The following ADAMTSL1 variants were observed in gnomAD, a reference collection of about 807,000 sequenced individuals.
ADAMTSL1 encodes the protein ADAMTS-like protein 1.
Under a neutral mutation model 201.8 loss-of-function variants are expected in ADAMTSL1, and 126 were observed. The observed-to-expected ratio is 0.62, with a 90% CI of 0.54 to 0.72. The LOEUF (loss-of-function observed/expected upper bound fraction) is 0.72. ADAMTSL1 is among the 30% of genes least tolerant of loss of function. ADAMTSL1 has a pLI of 0.00. For missense variants in ADAMTSL1, 2,679 were observed against 2,277.8 expected (o/e 1.18, Z -3.59); for synonymous variants, 1,121 against 903.4 (o/e 1.24, Z -4.32).
intron 2 of ADAMTSL1, among the ~76,000 whole-genome samples, chr9:18,304,205 T>G (rs967739297): frequency 6.6e-6 from 1 of 152,098 alleles, no homozygotes; most frequent in African/African-American, 2.4e-5. Flanking sequence ...TAGAACCCAA[T>G]TTGTTTGGAA....
At chr9:18,320,163 A>G (rs1031340822) in intron 2 of ADAMTSL1, among the ~76,000 whole-genome samples, 1 of 152,240 alleles carries the variant, frequency 6.6e-6, no homozygotes, top group Non-Finnish European at 1.5e-5. Flanking sequence ...TAGAGCCTCC[A>G]GAGGGAGTAA....
At chr9:18,832,485 C>G (rs1489999356) in intron 23 of ADAMTSL1, among the ~76,000 whole-genome samples, 2 of 152,134 alleles carry the variant, frequency 1.3e-5, no homozygotes, top group African/African-American at 4.8e-5. Flanking sequence ...GAATGACATA[C>G]TAAAAGTAAT....
At chr9:18,899,660 G>C (rs1829885844) in intron 26 of ADAMTSL1, among the ~76,000 whole-genome samples, 1 of 152,122 alleles carries the variant, frequency 6.6e-6, no homozygotes, top group Admixed American at 6.5e-5. Context: ...TCTGATCTTT[G>C]ACAAACCTGA....
rs1380215797 is a variant in ADAMTSL1 at position 18,909,870 on chromosome 9, C to T, written c.*1322C>T. On this transcript the variant is annotated 3_prime_UTR_variant, in exon 29 of 29. Transcript: ENST00000380548. ...GGCAAAGCAGCTCACACACTGCAGC[C>T]ACACTCATCAGCTGTGGTGAGGCGG... The T allele has an allele frequency of 6.6e-6, 1 of 152,272 alleles. No homozygotes were observed. The highest frequency in any genetic ancestry group is 1.5e-5 in the Non-Finnish European group (1 of 68,096). 9.4% of individuals were successfully genotyped at this position (152,272 alleles called of 1,614,324 possible).
chr9:18,100,048 A>G (rs1175878544), intron 1 of ADAMTSL1, among the ~76,000 whole-genome samples: 1 of 151,788 alleles, frequency 6.6e-6, no homozygotes, highest in Non-Finnish European at 1.5e-5. Flanking sequence ...TTCATTTCTG[A>G]GTTTTTCTAA....
chr9:18,069,440 G>C (rs991207543), intron 1 of ADAMTSL1, among the ~76,000 whole-genome samples: 6 of 152,224 alleles, frequency 3.9e-5, no homozygotes, highest in African/African-American at 1.4e-4. Flanking sequence ...TATGGAAAAT[G>C]CAAACACTGA....
intron 1 of ADAMTSL1, among the ~76,000 whole-genome samples, chr9:17,926,090 C>T (rs563486385): frequency 1.2e-4 from 19 of 152,188 alleles, no homozygotes; most frequent in African/African-American, 4.6e-4. Flanking sequence ...CTCATGCGGT[C>T]TGTGATGTCT....
chr9:18,122,705 T>A lies in ADAMTSL1; in HGVS notation c.88-41157T>A, dbSNP rs76187271. Among the ~76,000 whole-genome samples, 30 of 152,362 alleles carry A rather than the reference T, an allele frequency of 2.0e-4. No individual in the cohort carries two copies. In the East Asian group the frequency reaches 5.8e-3, roughly 29 times the overall value. Reference sequence around the variant, plus strand: ...CTGAAATTTTGGAGGATGAGTTACATACATCTTCTTTTCAGCGGTGCTGGT... The same window carrying A: ...CTGAAATTTTGGAGGATGAGTTACAAACATCTTCTTTTCAGCGGTGCTGGT... On this transcript the variant is annotated intron_variant, in intron 1 of 29. Transcript: ENST00000680146.
Position 18,052,349 on chromosome 9 carries a change from G to C in ADAMTSL1, c.88-111513G>C, listed in dbSNP as rs1215875035. On this transcript the variant is annotated intron_variant, in intron 1 of 29. Coordinates refer to the ADAMTSL1 transcript ENST00000680146. The stretch of plus-strand genomic sequence containing the variant: ...TAGTGAAAACAGGGTACTTACTTTA[G>C]GTTGAGAGGTCAGAGAAGGGTTTTC... Among the ~76,000 whole-genome samples, 8 of 152,318 alleles carry C rather than the reference G, an allele frequency of 5.3e-5. No individual in the cohort carries two copies. In the East Asian group the frequency reaches 1.3e-3, roughly 26 times the overall value.
chr9:18,580,562 A>C (rs1352758838), intron 4 of ADAMTSL1, among the ~76,000 whole-genome samples: 1 of 152,226 alleles, frequency 6.6e-6, no homozygotes, highest in Non-Finnish European at 1.5e-5. Flanking sequence ...TAAAGATAAA[A>C]CTAACTACTA....
At chr9:18,030,298 C>CA (rs1381144032) in intron 1 of ADAMTSL1, among the ~76,000 whole-genome samples, 13 of 151,682 alleles carry the variant, frequency 8.6e-5, no homozygotes, top group African/African-American at 3.2e-4. Flanking sequence ...ATCGCAAGGA[C>CA]AAAAAACCAA....
intron 4 of ADAMTSL1, among the ~76,000 whole-genome samples, chr9:18,592,072 C>A (rs1297048618): frequency 6.6e-6 from 1 of 152,272 alleles, no homozygotes; most frequent in East Asian, 1.9e-4. Flanking sequence ...GTTTTCAGTG[C>A]ATCTCATTGA....
intron 1 of ADAMTSL1, among the ~76,000 whole-genome samples, chr9:18,020,737 G>A (rs1820447664): frequency 6.6e-6 from 1 of 152,086 alleles, no homozygotes; most frequent in Non-Finnish European, 1.5e-5. Flanking sequence ...CCTTGGAACA[G>A]GCATCAACTG....
chr9:18,712,476 A>C (rs985315082), intron 14 of ADAMTSL1, among the ~76,000 whole-genome samples: 43 of 152,020 alleles, frequency 2.8e-4, no homozygotes, highest in Non-Finnish European at 5.6e-4. Context: ...AGCCGATGCG[A>C]TCAACTGGAA....
chr9:18,570,496 C>T (rs1171595315), intron 3 of ADAMTSL1, among the ~76,000 whole-genome samples: 1 of 152,144 alleles, frequency 6.6e-6, no homozygotes, highest in East Asian at 1.9e-4. Flanking sequence ...TTTGCCAAAT[C>T]CTTCTTCCCC....
intron 23 of ADAMTSL1, among the ~76,000 whole-genome samples, chr9:18,878,808 A>G (rs549445097): frequency 1.3e-5 from 2 of 152,308 alleles, no homozygotes; most frequent in South Asian, 4.1e-4. Flanking sequence ...TTTGTCTCCT[A>G]TCTGCCATTT....
At chr9:18,021,168 G>T (rs563086461) in intron 1 of ADAMTSL1, among the ~76,000 whole-genome samples, 1 of 152,286 alleles carries the variant, frequency 6.6e-6, no homozygotes, top group Non-Finnish European at 1.5e-5. Context: ...GCACTTGTGA[G>T]ACTGGGCTCT....
At chr9:18,274,177 G>C (rs1052669785) in intron 2 of ADAMTSL1, among the ~76,000 whole-genome samples, 2 of 152,302 alleles carry the variant, frequency 1.3e-5, no homozygotes, top group South Asian at 4.1e-4. Context: ...ATTATTCCAG[G>C]TGTGTCATGG....
intron 2 of ADAMTSL1, among the ~76,000 whole-genome samples, chr9:18,182,110 G>A (rs1042370984): frequency 6.7e-6 from 1 of 149,700 alleles, no homozygotes; most frequent in South Asian, 2.1e-4. Flanking sequence ...GACACAGGAA[G>A]GGGAACATCA....
Sources: gnomAD v4.1 joint callset for allele counts (sites outside exome capture counted in the v4.1 genomes callset) on GRCh38, gnomAD v4.1.1 for gene constraint, MANE v1.5 for transcripts, NCBI Gene and HGNC (gene_info 2026-07-23, HGNC 2026-07-21) for gene names.